Variants in RCC1 observed in about 807,000 individuals in gnomAD.
The protein encoded by RCC1 is regulator of chromosome condensation 1.
A neutral mutation model predicts 44.4 loss-of-function variants in RCC1; 11 were observed. The ratio of observed to expected loss-of-function variants is 0.25; its 90% CI spans 0.16 to 0.41. The LOEUF is 0.41. Ranked by LOEUF, RCC1 falls within the 10% of genes least tolerant of loss-of-function variation. RCC1 has a pLI of 1.00. For missense variants in RCC1, 386 were observed against 547.1 expected, an observed-to-expected ratio of 0.71 and a Z score of 2.94; for synonymous variants, 213 against 216.5, an observed-to-expected ratio of 0.98 and a Z score of 0.14.
At chr1:28,519,014 C>A (rs549915867) in intron 4 of RCC1, 9 of 152,308 alleles carry the variant, frequency 5.9e-5, no homozygotes, top group African/African-American at 2.2e-4. Context: ...GACTTGTGTG[C>A]CCTAGCAGAA....
chr1:28,538,187 T>G lies in RCC1; in HGVS notation c.*180T>G. On this transcript the variant is annotated 3_prime_UTR_variant, in exon 13 of 13. Coordinates refer to ENST00000683442, the MANE Select transcript of RCC1 (RefSeq NM_001381865.2). ...TTTTCCTTCCTCCTCTTTGGAATTT[T>G]CCTGGGACCTACAGAATAAAGGGGG... 2.1e-6 allele frequency: 1 copy of G among 487,084 alleles called. No homozygotes were observed. Among genetic ancestry groups the G allele is most frequent in the East Asian group, 4.0e-5 (1 of 24,940 alleles). 30.2% of individuals were successfully genotyped at this position (487,084 alleles called of 1,614,324 possible). A position where few individuals can be genotyped will look rare whatever the true frequency, so the allele number is the denominator to read the frequency against.
chr1:28,525,335 G>A (rs1216404312), intron 4 of RCC1, among the ~76,000 whole-genome samples: 1 of 152,144 alleles, frequency 6.6e-6, no homozygotes, highest in Non-Finnish European at 1.5e-5. Context: ...CTTCTTTGGA[G>A]GCAGAAATTG....
At position 28,537,996 on chromosome 1, in the gene RCC1, G is replaced by T. The variant is rs200316975; in HGVS notation, c.1255G>T (p.Glu419Ter). The change falls in exon 13 of 13, where the codon GAA (glutamate) becomes TAA (stop). Residue 419 changes from glutamate (E) to a stop codon, truncating the protein, a stop_gained. Coordinates refer to ENST00000683442, the MANE Select transcript of RCC1 (RefSeq NM_001381865.2). LOFTEE classifies it high-confidence loss of function. ...TACAGTCTTATTAGTCAAGGACAAA[G>T]AACAGAGCTGATGAAGCCTCTGAGG... ...QHTVLLVKDK[E>*]QS 153 of 1,613,232 alleles carry T rather than the reference G, an allele frequency of 9.5e-5. No individual in the cohort carries two copies. Among genetic ancestry groups the T allele is most frequent in the Non-Finnish European group, 1.3e-4 (151 of 1,179,756 alleles).
chr1:28,525,906 G>T (rs965087008), intron 4 of RCC1, among the ~76,000 whole-genome samples: 4 of 152,188 alleles, frequency 2.6e-5, no homozygotes, highest in Non-Finnish European at 4.4e-5. Context: ...AGCTGAGACC[G>T]AGAAGGGCTC....
At chr1:28,522,183 G>A (rs891599528) in intron 4 of RCC1, among the ~76,000 whole-genome samples, 1 of 152,206 alleles carries the variant, frequency 6.6e-6, no homozygotes, top group Admixed American at 6.5e-5. Flanking sequence ...GACTAGTTCA[G>A]GATGGAGGAG....
intron 4 of RCC1, among the ~76,000 whole-genome samples, chr1:28,527,591 T>C (rs1205238520): frequency 6.6e-6 from 1 of 152,146 alleles, no homozygotes; most frequent in Non-Finnish European, 1.5e-5. Context: ...CTTCTCCCCC[T>C]CTGATTATAA....
At chr1:28,508,652 T>A (rs1342354328) in intron 2 of RCC1, 178 bp from the exon 3 acceptor site, 4 of 518,846 alleles carry the variant, frequency 7.7e-6, no homozygotes, top group Non-Finnish European at 1.2e-5. Context: ...ACAGTCCCTT[T>A]CCACAACGTT....
Position 28,535,076 on chromosome 1 carries a change from G to A in RCC1, c.468G>A (p.Leu156=). ...ACAATAACGGTGTGATTGGACTGTT[G>A]GAGCCCATGAAGAAGAGCATGGTGC... The part of the protein sequence containing the change: ...FRDNNGVIGL[L]EPMKKSMVPV... The change falls in exon 8 of 13, where the codon TTG becomes TTA. Residue 156 remains leucine, a synonymous_variant. Coordinates refer to ENST00000683442, the MANE Select transcript of RCC1 (RefSeq NM_001381865.2). 1 of 1,614,102 alleles carries A rather than the reference G, an allele frequency of 6.2e-7. No homozygotes were observed. Among genetic ancestry groups the A allele is most frequent in the South Asian group, 1.1e-5 (1 of 91,058 alleles).
rs1570226820 is a variant in RCC1 at position 28,536,097 on chromosome 1, A to G, written c.817+71A>G. The G allele has an allele frequency of 6.4e-7, 1 of 1,552,864 alleles. No individual in the cohort carries two copies. The highest frequency in any genetic ancestry group is 1.4e-5 in the African/African-American group (1 of 73,204). ...CCTGTCCTGGCTCTGCCACTCATTCATTGTGCATCCTTTGCGGGGTCGTCT... is the reference window on the plus strand; with the variant it reads ...CCTGTCCTGGCTCTGCCACTCATTCGTTGTGCATCCTTTGCGGGGTCGTCT... On this transcript the variant is annotated intron_variant, in intron 10 of 12. Transcript: ENST00000683442. The surrounding 1 kb of genome is among the most constrained non-coding windows in gnomAD (Gnocchi z 4.9).
At chr1:28,530,250 G>A (rs1664045227) in intron 5 of RCC1, among the ~76,000 whole-genome samples, 1 of 152,078 alleles carries the variant, frequency 6.6e-6, no homozygotes, top group Non-Finnish European at 1.5e-5. Flanking sequence ...ATGGGTTCAA[G>A]TCCTTGCTCT....
intron 3 of RCC1, among the ~76,000 whole-genome samples, chr1:28,512,626 G>T (rs919931175): frequency 3.3e-5 from 5 of 151,832 alleles, no homozygotes; most frequent in Admixed American, 3.3e-4. Context: ...TCTAATGTAG[G>T]CATTTAGTGC....
intron 4 of RCC1, among the ~76,000 whole-genome samples, chr1:28,529,638 G>A (rs1410412087): frequency 6.6e-6 from 1 of 152,032 alleles, no homozygotes; most frequent in African/African-American, 2.4e-5. Context: ...TTCGGGTTCT[G>A]TTTTTGTTGT....
rs757487170 is a variant in RCC1 at position 28,529,873 on chromosome 1, C to T, written c.7C>T (p.Pro3Ser). Residue 3 changes from proline to serine, a missense_variant, in exon 5 of 13, where the codon CCC becomes TCC. Transcript: ENST00000683442. ...TGACTTTCAGGACAGGAAGATGTCA[C>T]CCAAGCGCATAGCTAAAAGAAGGTC... MS[P>S]KRIAKRRSPP... 3 of 1,613,818 alleles carry T rather than the reference C, an allele frequency of 1.9e-6. No homozygotes were observed. The highest frequency in any genetic ancestry group is 1.6e-4 in the Middle Eastern group (1 of 6,082).
intron 3 of RCC1, among the ~76,000 whole-genome samples, chr1:28,512,623 T>G (rs372981662): frequency 1.3e-5 from 2 of 152,306 alleles, no homozygotes; most frequent in East Asian, 3.9e-4. Flanking sequence ...TTTTCTAATG[T>G]AGGCATTTAG....
At chr1:28,531,700 C>A in intron 5 of RCC1, 103 bp from the exon 6 acceptor site, 2 of 926,620 alleles carry the variant, frequency 2.2e-6, no homozygotes, top group South Asian at 2.8e-5. Flanking sequence ...CAGTCTGTGG[C>A]AGAGCAGGGG....
chr1:28,514,188 C>T (rs569792079), intron 3 of RCC1, among the ~76,000 whole-genome samples: 5 of 151,516 alleles, frequency 3.3e-5, no homozygotes, highest in Middle Eastern at 3.4e-3. Flanking sequence ...CGGTGGCTCA[C>T]GCCTGTTATC....
chr1:28,528,844 C>CTTTTTTTT (rs59005617), intron 4 of RCC1, among the ~76,000 whole-genome samples: 3 of 87,204 alleles, frequency 3.4e-5, no homozygotes, highest in African/African-American at 5.3e-5. Context: ...GTTTTTCTTC[C>CTTTTTTTT]TTTTTTTTTT....
intron 3 of RCC1, chr1:28,510,931 T>C (rs6689862): frequency 0.067 from 10,192 of 152,280 alleles, 421 homozygotes; most frequent in South Asian, 0.13. Context: ...TATACTCAGG[T>C]GGGTTTGGGT....
intron 4 of RCC1, chr1:28,518,583 C>G (rs1473684044): frequency 1.6e-4 from 24 of 149,898 alleles, no homozygotes; most frequent in African/African-American, 5.8e-4. Context: ...CACGCCCGCA[C>G]CGCGGCGCCC....
Sources: allele counts gnomAD v4.1 joint callset (sites outside exome capture counted in the v4.1 genomes callset), GRCh38; gene constraint gnomAD v4.1.1; non-coding constraint Gnocchi (gnomAD v3.1); transcripts MANE v1.5; gene names NCBI Gene and HGNC (gene_info 2026-07-23, HGNC 2026-07-21).